The following MYLK4 variants were observed in gnomAD, a reference collection of about 807,000 sequenced individuals.
The protein encoded by MYLK4 is caMLCK like.
A neutral mutation model predicts 48.1 loss-of-function variants in MYLK4; 46 were observed. The observed-to-expected ratio is 0.96, with a 90% CI of 0.75 to 1.22. The LOEUF (loss-of-function observed/expected upper bound fraction) is 1.22. MYLK4 is among the 50% of genes most tolerant of loss of function. The pLI is 0.00. For synonymous variants in MYLK4, 170 were observed against 180.8 expected (o/e 0.94, Z 0.48); for missense variants, 451 against 486.1 (o/e 0.93, Z 0.68).
At chr6:2,757,115 G>A in the MYLK4 span, among the ~76,000 whole-genome samples, 99 of 150,556 alleles carry the variant, frequency 6.6e-4, no homozygotes, top group Non-Finnish European at 2.7e-4. Context: ...CTGATGGGCA[G>A]TTTGGTGAAC....
chr6:2,757,398 G>T, the MYLK4 span, among the ~76,000 whole-genome samples: 9 of 152,070 alleles, frequency 5.9e-5, no homozygotes, highest in Non-Finnish European at 1.2e-4. Flanking sequence ...GTATACTTCT[G>T]GTTAAAATGC....
chr6:2,736,456 T>G (rs574576335), intron 2 of MYLK4, among the ~76,000 whole-genome samples: 33 of 152,314 alleles, frequency 2.2e-4, no homozygotes, highest in African/African-American at 7.5e-4. Flanking sequence ...CCTTTAACAC[T>G]CTAACCTGCA....
At chr6:2,742,418 C>T (rs1241314432) in intron 2 of MYLK4, among the ~76,000 whole-genome samples, 4 of 152,016 alleles carry the variant, frequency 2.6e-5, no homozygotes, top group East Asian at 1.9e-4. Context: ...CACATGCACA[C>T]GTATGTTTAC....
chr6:2,752,113 A>G (rs892505532), upstream of MYLK4, among the ~76,000 whole-genome samples: 2 of 152,214 alleles, frequency 1.3e-5, no homozygotes, highest in Non-Finnish European at 2.9e-5. Flanking sequence ...ACGCAAAAGC[A>G]GACTTCCTAT....
intron 2 of MYLK4, among the ~76,000 whole-genome samples, chr6:2,737,977 C>CGGGGAG (rs1158504264): frequency 1.2e-3 from 3 of 2,530 alleles, no homozygotes; most frequent in African/African-American, 1.5e-3. Flanking sequence ...GTGCCGGGGG[C>CGGGGAG]GGGTGGGGGG....
At chr6:2,703,091 C>T (rs932447388) in intron 2 of MYLK4, among the ~76,000 whole-genome samples, 1 of 152,132 alleles carries the variant, frequency 6.6e-6, no homozygotes, top group Non-Finnish European at 1.5e-5. Flanking sequence ...CCGACCTCGC[C>T]TCCTCTCAGC....
the MYLK4 span, among the ~76,000 whole-genome samples, chr6:2,765,119 C>T: frequency 6.7e-6 from 1 of 150,190 alleles, no homozygotes; most frequent in Non-Finnish European, 1.5e-5. Flanking sequence ...ACTCGCAGGC[C>T]TGGGCGGAGG....
rs545531080 is a variant in MYLK4 at position 2,706,544 on chromosome 6, T to C, written c.160-13685A>G. Among the ~76,000 whole-genome samples the C allele has an allele frequency of 6.6e-5, 10 of 152,350 alleles. 1 individual carries two copies. The East Asian group carries it at 1.7e-3, about 26-fold the overall frequency. On this transcript the variant is annotated intron_variant, in intron 2 of 12. Transcript: ENST00000274643. The stretch of plus-strand genomic sequence containing the variant: ...TATACCTCAGTGAAGCTTTTTTTAA[T>C]ATAGATATAATAATGGACAAGATTA...
upstream of MYLK4, among the ~76,000 whole-genome samples, chr6:2,755,911 C>A (rs1332504951): frequency 6.6e-6 from 1 of 152,182 alleles, no homozygotes; most frequent in Admixed American, 6.5e-5. Context: ...TTTTTCAGAA[C>A]ATCACAAAAG....
At chr6:2,737,182 GC>G (rs905122343) in intron 2 of MYLK4, among the ~76,000 whole-genome samples, 8 of 151,924 alleles carry the variant, frequency 5.3e-5, no homozygotes, top group African/African-American at 1.9e-4. Flanking sequence ...GCGTGGTGGC[GC>G]CCGCCTGTAG....
chr6:2,685,215 A>T lies in MYLK4; in HGVS notation c.545+81T>A, dbSNP rs1381121802. 2 of 1,013,644 alleles carry T rather than the reference A, an allele frequency of 2.0e-6. No individual in the cohort carries two copies. The highest frequency in any genetic ancestry group is 3.1e-6 in the Non-Finnish European group (2 of 641,410). 62.8% of individuals were successfully genotyped at this position (1,013,644 alleles called of 1,614,324 possible). A position where few individuals can be genotyped will look rare whatever the true frequency, so the allele number is the denominator to read the frequency against. ...GCGAGCTTGGTTCTGGTCCCGCTAC[A>T]GCAGGACGGAGCTACTGAGGCACGG... On this transcript the variant is annotated intron_variant, in intron 6 of 12. Transcript: ENST00000274643. The surrounding 1 kb of genome is among the most constrained non-coding windows in gnomAD (Gnocchi z 4.5).
At chr6:2,713,042 T>A (rs1413955481) in intron 2 of MYLK4, among the ~76,000 whole-genome samples, 2 of 152,214 alleles carry the variant, frequency 1.3e-5, no homozygotes, top group Non-Finnish European at 2.9e-5. Flanking sequence ...GAGGCCAAGA[T>A]ACAGTGACAC....
At chr6:2,695,075 A>T (rs1762012006) in intron 2 of MYLK4, among the ~76,000 whole-genome samples, 1 of 152,224 alleles carries the variant, frequency 6.6e-6, no homozygotes, top group Admixed American at 6.5e-5. Context: ...GATTACAATT[A>T]ACATGGAAGA....
chr6:2,768,951 A>C, the MYLK4 span: 9 of 1,456,986 alleles, frequency 6.2e-6, no homozygotes, highest in Middle Eastern at 2.6e-4. Flanking sequence ...TGAGATCACT[A>C]TACAAACGCT....
chr6:2,708,706 C>A (rs1762574869), intron 2 of MYLK4, among the ~76,000 whole-genome samples: 2 of 152,112 alleles, frequency 1.3e-5, no homozygotes, highest in African/African-American at 4.8e-5. Flanking sequence ...TGACTCATAA[C>A]TAAAAGTCCT....
intron 9 of MYLK4, among the ~76,000 whole-genome samples, 182 bp from the exon 10 acceptor site, chr6:2,678,554 A>T (rs748866773): frequency 2.0e-5 from 3 of 152,082 alleles, no homozygotes; most frequent in Non-Finnish European, 4.4e-5. Flanking sequence ...CCAACTCCTA[A>T]CTGAACAACT....
At chr6:2,756,412 G>A in the MYLK4 span, among the ~76,000 whole-genome samples, 1 of 152,122 alleles carries the variant, frequency 6.6e-6, no homozygotes, top group African/African-American at 2.4e-5. Flanking sequence ...TTTCAGTACT[G>A]TTTTCACCCT....
chr6:2,749,910 C>T (rs1218697039), intron 1 of MYLK4, among the ~76,000 whole-genome samples: 1 of 152,160 alleles, frequency 6.6e-6, no homozygotes, highest in Non-Finnish European at 1.5e-5. Context: ...AATTTATTTC[C>T]TTACAGTCTT....
the MYLK4 span, among the ~76,000 whole-genome samples, chr6:2,762,887 T>C: frequency 6.6e-6 from 1 of 152,162 alleles, no homozygotes; most frequent in East Asian, 1.9e-4. Flanking sequence ...TCTGACTGCC[T>C]TCAGAAATAA....
Sources: gnomAD v4.1 joint callset for allele counts (sites outside exome capture counted in the v4.1 genomes callset) on GRCh38, gnomAD v4.1.1 for gene constraint, Gnocchi (gnomAD v3.1) non-coding constraint, MANE v1.5 for transcripts, NCBI Gene and HGNC (gene_info 2026-07-23, HGNC 2026-07-21) for gene names.